CLSPN: variants seen among roughly 807,000 people sequenced by gnomAD.
CLSPN encodes the protein claspin, also known as claspin homolog.
In CLSPN, 85 loss-of-function variants were observed where a neutral mutation model predicts 156.3. That is an observed-to-expected ratio of 0.54 (90% CI 0.46 to 0.65). The LOEUF (loss-of-function observed/expected upper bound fraction) is 0.65, where lower values mean the gene tolerates loss of function less well. Among genes scored for constraint, CLSPN ranks in the 30% least tolerant of loss-of-function variants. The pLI, the probability that CLSPN is intolerant of heterozygous loss-of-function variation, is 0.00. For synonymous variants in CLSPN, 534 were observed against 542.4 expected (o/e 0.98, Z 0.22); for missense variants, 1,407 against 1,554.9 (o/e 0.90, Z 1.60).
intron 8 of CLSPN, among the ~76,000 whole-genome samples, chr1:35,758,514 G>A (rs1050708228): frequency 6.6e-6 from 1 of 151,890 alleles, no homozygotes. Context: ...GTGTGGTGGC[G>A]GGTACCTGTA....
At chr1:35,762,516 G>T (rs58022646) in intron 4 of CLSPN, 35 bp from the exon 5 acceptor site, 268 of 1,544,070 alleles carry the variant, frequency 1.7e-4, no homozygotes, top group Non-Finnish European at 1.9e-4. Flanking sequence ...GGACAAAAAC[G>T]AAATTCAAAT....
rs114176551 is a variant in CLSPN at position 35,761,180 on chromosome 1, T to C, written c.920A>G (p.His307Arg). ...ATGAATGGTTTTATTCTCAGGCATA[T>C]GATATGGAAGGTTCAGTGCAGACTC... ...IRESALNLPYHMPENKTIHDF... is the reference protein window; with the variant it reads ...IRESALNLPYRMPENKTIHDF... Residue 307 changes from histidine (H) to arginine (R), a missense_variant, in exon 7 of 25, where the codon CAT becomes CGT. Coordinates refer to ENST00000318121, the MANE Select transcript of CLSPN (RefSeq NM_022111.4). 1.1e-5 allele frequency: 18 copies of C among 1,612,972 alleles called. No homozygotes were observed. The East Asian group carries it at 3.8e-4, about 34-fold the overall frequency.
intron 23 of CLSPN, 72 bp from the exon 24 acceptor site, chr1:35,737,147 G>A: frequency 6.8e-7 from 1 of 1,471,636 alleles, no homozygotes; most frequent in Non-Finnish European, 9.4e-7. Context: ...TTCCCTCCCT[G>A]CTTCCCCCTA....
chr1:35,743,229 C>T lies in CLSPN; in HGVS notation c.3055G>A (p.Asp1019Asn), dbSNP rs747386578. Residue 1019 changes from aspartate to asparagine, a missense_variant, in exon 18 of 25, where the codon GAC (aspartate) becomes AAC (asparagine). Physicochemically the swap from Asp to Asn is conservative, Grantham distance 23. This residue lies in a region of CLSPN where 1,096 missense variants were observed against 1,193.0 expected (regional missense o/e 0.92). Coordinates refer to ENST00000318121, the MANE Select transcript of CLSPN (RefSeq NM_022111.4). ...EFDSDEDEHS[D>N]SGNDLALEDH... ...TCCAGTGCCAGATCATTACCAGAGTCACTGTGTTCATCCTACAAAATCAGC... is the reference window on the plus strand; with the variant it reads ...TCCAGTGCCAGATCATTACCAGAGTTACTGTGTTCATCCTACAAAATCAGC... 1.9e-6 allele frequency: 3 copies of T among 1,613,280 alleles called. No individual in the cohort carries two copies. Among genetic ancestry groups the T allele is most frequent in the African/African-American group, 1.3e-5 (1 of 74,918 alleles).
At chr1:35,757,350 A>G (rs895936848) in intron 8 of CLSPN, among the ~76,000 whole-genome samples, 22 of 152,204 alleles carry the variant, frequency 1.4e-4, no homozygotes, top group Non-Finnish European at 1.6e-4. Flanking sequence ...TATTGCATGA[A>G]TGAATGAATG....
rs1641059152 is a variant in CLSPN at position 35,720,890 on chromosome 1, C to T, written c.*1G>A. 3 of 1,609,910 alleles carry T rather than the reference C, an allele frequency of 1.9e-6. No homozygotes were observed. In the Admixed American group the frequency reaches 5.0e-5, roughly 27 times the overall value. ...TCTCTTTGGACTCTGTCTCTCCCAGCTTAACCATGTGGGTCAAATGAAAGC... is the reference window on the plus strand; with the variant it reads ...TCTCTTTGGACTCTGTCTCTCCCAGTTTAACCATGTGGGTCAAATGAAAGC... On this transcript the variant is annotated 3_prime_UTR_variant, in exon 25 of 25. Coordinates refer to the CLSPN transcript ENST00000251195.
Position 35,746,733 on chromosome 1 carries a change from T to A in CLSPN, c.2854+33A>T, listed in dbSNP as rs1318424880. On this transcript the variant is annotated intron_variant, in intron 15 of 24. Transcript: ENST00000318121. The surrounding 1 kb of genome is among the most constrained non-coding windows in gnomAD (Gnocchi z 4.2). ...TTTCAAGGGCACTGATACTTGGGTG[T>A]GGTAAGCTTGATACTCTCGGTTGGA... is the stretch of plus-strand genomic sequence containing the variant. The A allele has an allele frequency of 7.0e-7, 1 of 1,430,740 alleles. No individual in the cohort carries two copies. Among genetic ancestry groups the A allele is most frequent in the Admixed American group, 1.7e-5 (1 of 59,670 alleles). 88.6% of individuals were successfully genotyped at this position (1,430,740 alleles called of 1,614,324 possible).
downstream of CLSPN, among the ~76,000 whole-genome samples, chr1:35,729,124 AG>A (rs1386991396): frequency 6.6e-6 from 1 of 152,212 alleles, no homozygotes; most frequent in African/African-American, 2.4e-5. Flanking sequence ...AACAAACAGA[AG>A]GGTGGGCAGT....
chr1:35,724,896 TTAGTC>T (rs947959732), intron 24 of CLSPN, among the ~76,000 whole-genome samples: 3 of 152,320 alleles, frequency 2.0e-5, no homozygotes, highest in African/African-American at 7.2e-5. Context: ...AAGTGCCTCT[TTAGTC>T]TATCAAGAAA....
chr1:35,736,304 A>G lies in CLSPN; in HGVS notation c.*192T>C. 8.2e-7 allele frequency: 1 copy of G among 1,218,986 alleles called. No homozygotes were observed. The highest frequency in any genetic ancestry group is 3.4e-5 in the East Asian group (1 of 29,488). 75.5% of individuals were successfully genotyped at this position (1,218,986 alleles called of 1,614,324 possible). A position where few individuals can be genotyped will look rare whatever the true frequency, so the allele number is the denominator to read the frequency against. On this transcript the variant is annotated 3_prime_UTR_variant, in exon 25 of 25. Transcript: ENST00000318121. ...TACTGCAGAATTGAAATCAGTGGCC[A>G]ATTCAGGGAATAATACTAGGAAAAG...
intron 10 of CLSPN, 127 bp downstream of exon 10, chr1:35,751,123 G>C (rs1642067929): frequency 2.6e-6 from 3 of 1,149,202 alleles, no homozygotes. Flanking sequence ...ATATGAGGTA[G>C]TTACCCTCAT....
At chr1:35,759,480 T>G (rs1642399674) in intron 8 of CLSPN, among the ~76,000 whole-genome samples, 1 of 152,226 alleles carries the variant, frequency 6.6e-6, no homozygotes, top group South Asian at 2.1e-4. Flanking sequence ...CCTTTGTACT[T>G]CTTATTTGCA....
At chr1:35,744,622 C>T (rs565530596) in intron 16 of CLSPN, among the ~76,000 whole-genome samples, 1 of 151,888 alleles carries the variant, frequency 6.6e-6, no homozygotes, top group South Asian at 2.1e-4. Flanking sequence ...GTTGAATATT[C>T]CTTTGCATAT....
intron 1 of CLSPN, among the ~76,000 whole-genome samples, chr1:35,769,568 G>A (rs566215570): frequency 6.6e-6 from 1 of 152,240 alleles, no homozygotes; most frequent in Non-Finnish European, 1.5e-5. Flanking sequence ...GGCAGGAACC[G>A]GCTGAAGAGG....
Position 35,736,484 on chromosome 1 carries a change from C to A in CLSPN, c.*12G>T. The A allele has an allele frequency of 1.3e-6, 2 of 1,576,924 alleles. No individual in the cohort carries two copies. Among genetic ancestry groups the A allele is most frequent in the Non-Finnish European group, 1.7e-6 (2 of 1,164,356 alleles). ...AGCAGTCTCAATGTAGATTTTGGCA[C>A]CTTTGATGGTGTTAGCTCTCCAAAT... On this transcript the variant is annotated 3_prime_UTR_variant, in exon 25 of 25. Coordinates refer to ENST00000318121, the MANE Select transcript of CLSPN (RefSeq NM_022111.4).
chr1:35,760,357 G>T lies in CLSPN; in HGVS notation c.1564C>A (p.Pro522Thr), dbSNP rs1438901144. ...AAAGGATTACCTCTGTTGGTTTCAGGTTCAAGTATCACAAAGGAATCTTCA... is the reference window on the plus strand; with the variant it reads ...AAAGGATTACCTCTGTTGGTTTCAGTTTCAAGTATCACAAAGGAATCTTCA... ...ADEDSFVILE[P>T]ETNRELEALK... Residue 522 changes from proline (P) to threonine (T), a missense_variant, in exon 8 of 25, where the codon CCT (proline) becomes ACT (threonine). This residue lies in a region of CLSPN where 1,096 missense variants were observed against 1,193.0 expected (regional missense o/e 0.92). Coordinates refer to ENST00000318121, the MANE Select transcript of CLSPN (RefSeq NM_022111.4). The T allele has an allele frequency of 1.2e-6, 2 of 1,613,126 alleles. No homozygotes were observed. Among genetic ancestry groups the T allele is most frequent in the Middle Eastern group, 1.7e-4 (1 of 6,054 alleles).
At position 35,765,994 on chromosome 1, in the gene CLSPN, C is replaced by CTCTTTTTT. The variant is rs60908491; in HGVS notation, c.25-669_25-668insAAAAAAGA. ...GGGTGGTTTCTTTCTCTCTCTCTCT[C>CTCTTTTTT]TTTTTTTTTTTTTTTTTTGAGATAG... On this transcript the variant is annotated intron_variant, in intron 1 of 24. Transcript: ENST00000318121. Among the ~76,000 whole-genome samples the CTCTTTTTT allele has an allele frequency of 2.2e-4, 23 of 106,452 alleles. 1 individual carries two copies. The highest frequency in any genetic ancestry group is 1.9e-3 in the East Asian group (6 of 3,162). 69.8% of individuals were successfully genotyped at this position (106,452 alleles called of 152,430 possible).
intron 1 of CLSPN, among the ~76,000 whole-genome samples, chr1:35,766,548 G>A (rs1372320707): frequency 6.6e-6 from 1 of 151,954 alleles, no homozygotes; most frequent in Non-Finnish European, 1.5e-5. Flanking sequence ...AGGTTCAAGC[G>A]ATTCTCCTGC....
chr1:35,742,638 CA>C (rs1202305196), intron 18 of CLSPN, among the ~76,000 whole-genome samples: 3 of 152,020 alleles, frequency 2.0e-5, no homozygotes, highest in African/African-American at 7.2e-5. Flanking sequence ...CTTGGCCTCC[CA>C]AAGTGCTGGG....
Sources: allele counts gnomAD v4.1 joint callset (sites outside exome capture counted in the v4.1 genomes callset), GRCh38; gene constraint gnomAD v4.1.1; regional missense constraint gnomAD v4.1.1; non-coding constraint Gnocchi (gnomAD v3.1); transcripts MANE v1.5; gene names NCBI Gene and HGNC (gene_info 2026-07-23, HGNC 2026-07-21).